PLEKHA6: variants seen among roughly 807,000 people sequenced by gnomAD.
The protein encoded by PLEKHA6 is pleckstrin homology domain containing A6, also known as pleckstrin homology domain-containing family A member 6.
In PLEKHA6, 60 loss-of-function variants were observed where a neutral mutation model predicts 116.7. That is an observed-to-expected ratio of 0.51 (90% CI 0.42 to 0.64). The LOEUF (loss-of-function observed/expected upper bound fraction) is 0.64. Among genes scored for constraint, PLEKHA6 ranks in the 30% least tolerant of loss-of-function variants. The pLI is 0.00. For missense variants in PLEKHA6, 1,338 were observed against 1,422.7 expected, an observed-to-expected ratio of 0.94 and a Z score of 0.96; for synonymous variants, 489 against 556.1, an observed-to-expected ratio of 0.88 and a Z score of 1.70.
intron 1 of PLEKHA6, among the ~76,000 whole-genome samples, chr1:204,298,341 A>G (rs2103069847): frequency 6.6e-6 from 1 of 152,240 alleles, no homozygotes; most frequent in East Asian, 1.9e-4. Context: ...TCCAACAGTG[A>G]GACTTTTCAA....
chr1:204,229,433 A>C (rs1571749935), intron 18 of PLEKHA6, among the ~76,000 whole-genome samples: 1 of 152,314 alleles, frequency 6.6e-6, no homozygotes, highest in Admixed American at 6.5e-5. Context: ...TTATTTTTTA[A>C]GAAACAGTGT....
Position 204,257,983 on chromosome 1 carries a change from G to A in PLEKHA6, c.1008-114C>T. The A allele has an allele frequency of 1.1e-6, 1 of 877,610 alleles. No homozygotes were observed. The highest frequency in any genetic ancestry group is 1.7e-6 in the Non-Finnish European group (1 of 574,010). The allele number at this position is 877,610 out of a possible 1,614,324, so 54.4% of individuals were successfully genotyped here. On this transcript the variant is annotated intron_variant, in intron 8 of 22. Coordinates refer to ENST00000272203, the MANE Select transcript of PLEKHA6 (RefSeq NM_014935.5). The surrounding 1 kb of genome is among the most constrained non-coding windows in gnomAD (Gnocchi z 6.5). ...AGCAGGGTGCTTGAATAGGTACACA[G>A]GGGCTGAGGTTTATTCCAGAGATGA...
At chr1:204,355,134 C>T (rs1403410344) in intron 1 of PLEKHA6, among the ~76,000 whole-genome samples, 1 of 152,222 alleles carries the variant, frequency 6.6e-6, no homozygotes, top group African/African-American at 2.4e-5. Context: ...AACAAGGAGA[C>T]TTGGGAGGGC....
At chr1:204,323,627 G>A (rs1203813617) in intron 1 of PLEKHA6, among the ~76,000 whole-genome samples, 1 of 152,218 alleles carries the variant, frequency 6.6e-6, no homozygotes, top group Non-Finnish European at 1.5e-5. Flanking sequence ...GCTTCAACAA[G>A]GTTGTACTTG....
At chr1:204,304,240 C>A (rs892621373) in intron 1 of PLEKHA6, among the ~76,000 whole-genome samples, 1 of 152,208 alleles carries the variant, frequency 6.6e-6, no homozygotes, top group East Asian at 1.9e-4. Flanking sequence ...AATCCCAAAG[C>A]CCTGCTATCC....
chr1:204,226,448 C>T (rs1571728588), intron 21 of PLEKHA6, among the ~76,000 whole-genome samples: 1 of 152,202 alleles, frequency 6.6e-6, no homozygotes, highest in African/African-American at 2.4e-5. Context: ...TTAAACCAGC[C>T]TTGTCTCTCT....
intron 1 of PLEKHA6, among the ~76,000 whole-genome samples, chr1:204,335,079 A>G (rs1672593330): frequency 6.6e-6 from 1 of 151,952 alleles, no homozygotes; most frequent in South Asian, 2.1e-4. Context: ...TCCACACCCC[A>G]TCTCCTAGTT....
chr1:204,367,972 C>A (rs1461577166), intron 2 of PLEKHA6: 2 of 152,212 alleles, frequency 1.3e-5, no homozygotes, highest in Non-Finnish European at 2.9e-5. Flanking sequence ...TCAGGAAAAT[C>A]CAAATATAAG....
intron 9 of PLEKHA6, among the ~76,000 whole-genome samples, chr1:204,255,048 AC>A (rs1208673474): frequency 6.6e-6 from 1 of 151,878 alleles, no homozygotes; most frequent in Admixed American, 6.6e-5. Flanking sequence ...GGTTGATAAT[AC>A]TCCCTCTGTT....
intron 21 of PLEKHA6, among the ~76,000 whole-genome samples, chr1:204,225,513 T>C (rs1233649513): frequency 3.3e-5 from 5 of 152,250 alleles, no homozygotes; most frequent in Admixed American, 6.5e-5. Flanking sequence ...TCCCAGCCTG[T>C]GCACACAGAC....
chr1:204,293,087 G>A lies in PLEKHA6; in HGVS notation c.-94-18278C>T, dbSNP rs116972773. ...GGGAGCAAGCCCACACTGTGGGAGT[G>A]GGGGAGGGAGCACAAAGTTTAAGGG... On this transcript the variant is annotated intron_variant, in intron 1 of 22. Coordinates refer to ENST00000272203, the MANE Select transcript of PLEKHA6 (RefSeq NM_014935.5). 2.8e-4 allele frequency among the ~76,000 whole-genome samples: 42 copies of A among 152,280 alleles called. No homozygotes were observed. In the East Asian group the frequency reaches 7.1e-3, roughly 26 times the overall value.
At chr1:204,282,688 C>G (rs929999706) in intron 1 of PLEKHA6, 2 of 985,294 alleles carry the variant, frequency 2.0e-6, no homozygotes, top group African/African-American at 3.5e-5. Context: ...TTCTACCACC[C>G]AGAAGCTGCC....
At chr1:204,344,653 A>G (rs1285024394) in intron 1 of PLEKHA6, among the ~76,000 whole-genome samples, 1 of 152,092 alleles carries the variant, frequency 6.6e-6, no homozygotes, top group East Asian at 1.9e-4. Context: ...AATTATAAAA[A>G]GTATAAAAGA....
chr1:204,288,946 G>A (rs1016945734), intron 1 of PLEKHA6, among the ~76,000 whole-genome samples: 6 of 152,162 alleles, frequency 3.9e-5, no homozygotes, highest in African/African-American at 1.2e-4. Flanking sequence ...GGATACAGAC[G>A]GAAGGTGAGC....
chr1:204,346,566 C>T (rs1463000721), intron 1 of PLEKHA6, among the ~76,000 whole-genome samples: 3 of 152,112 alleles, frequency 2.0e-5, no homozygotes, highest in South Asian at 2.1e-4. Context: ...TTGGGTCACA[C>T]GAGGGGCAAG....
Position 204,259,255 on chromosome 1 carries a change from C to A in PLEKHA6, c.1007+3G>T. 6.2e-7 allele frequency: 1 copy of A among 1,612,426 alleles called. No homozygotes were observed. Among genetic ancestry groups the A allele is most frequent in the Non-Finnish European group, 8.5e-7 (1 of 1,179,190 alleles). ...CCCCACCCCAGCCGCCGGCATGCCTCACCTCCGAAGGTCTTCAGGCGGGGG... is the reference window on the plus strand; with the variant it reads ...CCCCACCCCAGCCGCCGGCATGCCTAACCTCCGAAGGTCTTCAGGCGGGGG... On this transcript the variant is annotated splice_donor_region_variant and intron_variant, in intron 8 of 22. Transcript: ENST00000272203. This position sits in a 1 kb window ranked among gnomAD's most constrained non-coding sequence, Gnocchi z 4.6.
Position 204,230,252 on chromosome 1 carries a change from C to T in PLEKHA6, c.2583+161G>A, listed in dbSNP as rs779084366. 4.2e-4 allele frequency among the ~76,000 whole-genome samples: 64 copies of T among 152,364 alleles called. 1 individual carries two copies. Among genetic ancestry groups the T allele is most frequent in the African/African-American group, 1.4e-3 (57 of 41,586 alleles). Reference sequence around the variant, plus strand: ...GTCAACACTTGAAGGACTCTTCTGCCGATGGGGGAGAGGACTCTCCGGCTC... The same window carrying T: ...GTCAACACTTGAAGGACTCTTCTGCTGATGGGGGAGAGGACTCTCCGGCTC... On this transcript the variant is annotated intron_variant, in intron 18 of 22. Coordinates refer to ENST00000272203, the MANE Select transcript of PLEKHA6 (RefSeq NM_014935.5).
chr1:204,301,107 T>C (rs1670770134), intron 1 of PLEKHA6: 1 of 256,250 alleles, frequency 3.9e-6, no homozygotes, highest in South Asian at 1.4e-4. Flanking sequence ...GAAGGTTTTA[T>C]GTAATAAACA....
At chr1:204,241,235 C>T in intron 17 of PLEKHA6, 140 bp downstream of exon 17, 2 of 614,570 alleles carry the variant, frequency 3.3e-6, no homozygotes, top group South Asian at 3.9e-5. Flanking sequence ...CAGTGGGGCT[C>T]TTGCCCCTCC....
Sources: gnomAD v4.1 joint callset for allele counts (sites outside exome capture counted in the v4.1 genomes callset) on GRCh38, gnomAD v4.1.1 for gene constraint, Gnocchi (gnomAD v3.1) non-coding constraint, MANE v1.5 for transcripts, NCBI Gene and HGNC (gene_info 2026-07-23, HGNC 2026-07-21) for gene names.